KAT6B: variants seen among roughly 807,000 people sequenced by gnomAD.
KAT6B encodes the protein histone acetyltransferase KAT6B.
KAT6B carries 10 observed loss-of-function variants against 187.5 expected under a neutral mutation model. That is an observed-to-expected ratio of 0.05 (90% CI 0.03 to 0.09). The LOEUF (loss-of-function observed/expected upper bound fraction) is 0.09, where lower values mean the gene tolerates loss of function less well. Ranked by LOEUF, KAT6B falls within the 10% of genes least tolerant of loss-of-function variation. KAT6B has a pLI of 1.00. For missense variants in KAT6B, 1,952 were observed against 2,558.9 expected, an observed-to-expected ratio of 0.76 and a Z score of 5.12; for synonymous variants, 861 against 926.8, an observed-to-expected ratio of 0.93 and a Z score of 1.29.
chr10:74,933,902 T>C (rs749436806), intron 3 of KAT6B, among the ~76,000 whole-genome samples: 1 of 152,080 alleles, frequency 6.6e-6, no homozygotes. Flanking sequence ...ATGCCTACAA[T>C]TGGCCGGGTG....
chr10:74,945,284 G>T (rs1839869763), intron 3 of KAT6B, among the ~76,000 whole-genome samples: 2 of 152,198 alleles, frequency 1.3e-5, no homozygotes, highest in African/African-American at 2.4e-5. Context: ...CGGATTGTAT[G>T]ATTTCATATA....
At position 75,030,481 on chromosome 10, in the gene KAT6B, C is replaced by T. The variant is rs1389643097; in HGVS notation, c.5657C>T (p.Pro1886Leu). Residue 1886 changes from proline (P) to leucine (L), a missense_variant, in exon 18 of 18, where the codon CCT (proline) becomes CTT (leucine). Pro to Leu is a moderately conservative substitution (Grantham distance 98). Transcript: ENST00000287239. This position sits in a 1 kb window ranked among gnomAD's most constrained non-coding sequence, Gnocchi z 4.8. ...ATGACCCCACCCCCCAACCTGACTC[C>T]TCCTCCAATGAATCTGCCGCCGCCT... is the stretch of plus-strand genomic sequence containing the variant. ...ATMTPPPNLT[P>L]PPMNLPPPLL... The T allele has an allele frequency of 6.2e-6, 10 of 1,612,652 alleles. No homozygotes were observed. Among genetic ancestry groups the T allele is most frequent in the East Asian group, 2.2e-5 (1 of 44,844 alleles).
intron 3 of KAT6B, among the ~76,000 whole-genome samples, chr10:74,918,811 A>T (rs1329520107): frequency 6.6e-6 from 1 of 152,294 alleles, no homozygotes; most frequent in African/African-American, 2.4e-5. Context: ...TTTCATATGC[A>T]TTCTTGGAGA....
chr10:74,925,561 G>C (rs1848437921), intron 3 of KAT6B, among the ~76,000 whole-genome samples: 1 of 152,080 alleles, frequency 6.6e-6, no homozygotes, highest in Non-Finnish European at 1.5e-5. Context: ...TTATTGCTTA[G>C]ATTTTCTTCA....
rs760218266 is a variant in KAT6B, at chr10:75,030,460, C to T, written c.5636C>T (p.Thr1879Ile). The T allele has an allele frequency of 3.1e-6, 5 of 1,613,738 alleles. No individual in the cohort carries two copies. The highest frequency in any genetic ancestry group is 4.2e-6 in the Non-Finnish European group (5 of 1,179,626). Reference protein sequence around the residue: ...PGGPQAQATMTPPPNLTPPPM... With the variant: ...PGGPQAQATMIPPPNLTPPPM... Reference sequence around the variant, plus strand: ...GGACCCCAAGCACAAGCTACCATGACCCCACCCCCCAACCTGACTCCTCCT... The same window carrying T: ...GGACCCCAAGCACAAGCTACCATGATCCCACCCCCCAACCTGACTCCTCCT... Residue 1879 changes from threonine (T) to isoleucine (I), a missense_variant, in exon 18 of 18, where the codon ACC becomes ATC. By Grantham distance (89) the Thr-to-Ile change is moderately conservative (BLOSUM62 -1). Around this residue, in one of 9 missense-constraint regions of KAT6B, gnomAD observed 358 missense variants for 436.3 expected, o/e 0.82. Coordinates refer to ENST00000287239, the MANE Select transcript of KAT6B (RefSeq NM_012330.4). The surrounding 1 kb of genome is among the most constrained non-coding windows in gnomAD (Gnocchi z 4.8).
At chr10:74,861,611 C>T (rs896943305) in intron 3 of KAT6B, among the ~76,000 whole-genome samples, 1 of 152,150 alleles carries the variant, frequency 6.6e-6, no homozygotes, top group Admixed American at 6.5e-5. Flanking sequence ...ACCCAGGCAT[C>T]CAAGCTCCTT....
At chr10:74,883,866 G>A (rs1208688385) in intron 3 of KAT6B, among the ~76,000 whole-genome samples, 1 of 152,116 alleles carries the variant, frequency 6.6e-6, no homozygotes, top group African/African-American at 2.4e-5. Context: ...CACTGTGAGG[G>A]GAAAAACTTT....
intron 3 of KAT6B, among the ~76,000 whole-genome samples, chr10:74,881,614 C>T (rs1359245683): frequency 6.6e-6 from 1 of 152,002 alleles, no homozygotes; most frequent in African/African-American, 2.4e-5. Context: ...CGTGTTAAAC[C>T]CTGTGTTGCA....
chr10:74,912,958 T>G (rs1251923918), intron 3 of KAT6B, among the ~76,000 whole-genome samples: 1 of 152,210 alleles, frequency 6.6e-6, no homozygotes, highest in Non-Finnish European at 1.5e-5. Context: ...TTGATTGGGT[T>G]GTTCAGTCAA....
intron 6 of KAT6B, among the ~76,000 whole-genome samples, 173 bp downstream of exon 6, chr10:74,970,274 GA>G (rs1027249104): frequency 2.0e-5 from 3 of 150,606 alleles, no homozygotes; most frequent in African/African-American, 7.3e-5. Flanking sequence ...TAAAAGCATA[GA>G]AAAAAATACA....
chr10:75,030,053 T>A lies in KAT6B; in HGVS notation c.5229T>A (p.Pro1743=), dbSNP rs1296074673. Residue 1743 remains proline, a synonymous_variant, in exon 18 of 18, where the codon CCT becomes CCA. Transcript: ENST00000287239. This position sits in a 1 kb window ranked among gnomAD's most constrained non-coding sequence, Gnocchi z 4.8. ...SMLQQTSISS[P]PTCSVKSPQG... ...TGCAGCAAACCAGCATCAGCTCCCCTCCGACCTGCAGCGTCAAGTCTCCTC... is the reference window on the plus strand; with the variant it reads ...TGCAGCAAACCAGCATCAGCTCCCCACCGACCTGCAGCGTCAAGTCTCCTC... The A allele has an allele frequency of 4.3e-6, 7 of 1,614,008 alleles. No individual in the cohort carries two copies. Among genetic ancestry groups the A allele is most frequent in the Non-Finnish European group, 5.9e-6 (7 of 1,180,026 alleles).
At chr10:74,878,457 T>C (rs1368097352) in intron 3 of KAT6B, among the ~76,000 whole-genome samples, 1 of 151,668 alleles carries the variant, frequency 6.6e-6, no homozygotes, top group African/African-American at 2.4e-5. Flanking sequence ...CTGTCTCTAC[T>C]AAAATACAAA....
chr10:74,944,782 C>A (rs1849986761), intron 3 of KAT6B, among the ~76,000 whole-genome samples: 1 of 131,818 alleles, frequency 7.6e-6, no homozygotes, highest in African/African-American at 3.3e-5. Flanking sequence ...GCACTCCAGC[C>A]CGGGCGACAG....
rs777556102 is a variant in KAT6B at position 75,030,214 on chromosome 10, G to A, written c.5390G>A (p.Arg1797Gln). The change falls in exon 18 of 18, where the codon CGA (arginine) becomes CAA (glutamine). Residue 1797 changes from arginine (R) to glutamine (Q), a missense_variant. Around this residue, in one of 9 missense-constraint regions of KAT6B, gnomAD observed 358 missense variants for 436.3 expected, o/e 0.82. Transcript: ENST00000287239. The surrounding 1 kb of genome is among the most constrained non-coding windows in gnomAD (Gnocchi z 4.8). ...AACGCCAACATTGGCTTATACGAGC[G>A]AATGGGTCAGAGTGATTTTGGGGCT... Reference protein sequence around the residue: ...TSNANIGLYERMGQSDFGAGH... With the variant: ...TSNANIGLYEQMGQSDFGAGH... 5 of 1,614,152 alleles carry A rather than the reference G, an allele frequency of 3.1e-6. No homozygotes were observed. Among genetic ancestry groups the A allele is most frequent in the East Asian group, 2.2e-5 (1 of 44,842 alleles).
At chr10:74,881,116 G>C (rs950130277) in intron 3 of KAT6B, among the ~76,000 whole-genome samples, 4 of 151,710 alleles carry the variant, frequency 2.6e-5, no homozygotes, top group African/African-American at 9.7e-5. Context: ...CACCATATTG[G>C]TCAGGCTGGT....
At chr10:74,944,670 G>A (rs1191422996) in intron 3 of KAT6B, among the ~76,000 whole-genome samples, 3 of 152,012 alleles carry the variant, frequency 2.0e-5, no homozygotes, top group Non-Finnish European at 4.4e-5. Flanking sequence ...TTAGCCGGGC[G>A]TAGTGGCAGG....
intron 13 of KAT6B, among the ~76,000 whole-genome samples, chr10:75,007,137 C>A (rs1182015340): frequency 1.3e-5 from 2 of 151,682 alleles, no homozygotes; most frequent in Non-Finnish European, 2.9e-5. Context: ...CCACCACCAC[C>A]ATGAATTAAT....
Position 74,910,166 on chromosome 10 carries a change from C to T in KAT6B, c.622-49804C>T, listed in dbSNP as rs183151023. Among the ~76,000 whole-genome samples, 23 of 150,690 alleles carry T rather than the reference C, an allele frequency of 1.5e-4. No individual in the cohort carries two copies. The East Asian group carries it at 3.1e-3, about 20-fold the overall frequency. On this transcript the variant is annotated intron_variant, in intron 3 of 17. Coordinates refer to ENST00000287239, the MANE Select transcript of KAT6B (RefSeq NM_012330.4). The stretch of plus-strand genomic sequence containing the variant: ...AAAAAATATTAGCCAGGCGTGGTGG[C>T]GCATGCCTGTAATCCCAGCTATTTG...
intron 3 of KAT6B, among the ~76,000 whole-genome samples, chr10:74,892,710 G>T (rs1845722694): frequency 6.6e-6 from 1 of 152,090 alleles, no homozygotes; most frequent in African/African-American, 2.4e-5. Context: ...CAGAGATTAC[G>T]GTTGAATTCA....
Sources: allele counts gnomAD v4.1 joint callset (sites outside exome capture counted in the v4.1 genomes callset), GRCh38; gene constraint gnomAD v4.1.1; regional missense constraint gnomAD v4.1.1; non-coding constraint Gnocchi (gnomAD v3.1); transcripts MANE v1.5; gene names NCBI Gene and HGNC (gene_info 2026-07-23, HGNC 2026-07-21).